The following ARHGAP28 variants were observed in gnomAD, a reference collection of about 807,000 sequenced individuals.
The protein encoded by ARHGAP28 is rho GTPase-activating protein 28.
In ARHGAP28, 56 loss-of-function variants were observed where a neutral mutation model predicts 90.7. The ratio of observed to expected loss-of-function variants is 0.62; its 90% CI spans 0.50 to 0.77. The LOEUF (loss-of-function observed/expected upper bound fraction) is 0.77. Ranked by LOEUF, ARHGAP28 falls within the 30% of genes least tolerant of loss-of-function variation. The pLI, the probability that ARHGAP28 is intolerant of heterozygous loss-of-function variation, is 0.00. For synonymous variants in ARHGAP28, 308 were observed against 323.3 expected, an observed-to-expected ratio of 0.95 and a Z score of 0.51; for missense variants, 869 against 900.9, an observed-to-expected ratio of 0.96 and a Z score of 0.45.
chr18:6,820,280 G>A (rs557352257), intron 1 of ARHGAP28, among the ~76,000 whole-genome samples: 130 of 152,312 alleles, frequency 8.5e-4, no homozygotes, highest in African/African-American at 2.7e-3. Context: ...AATATTGGAA[G>A]TGAAGTATTC....
At chr18:6,802,085 G>T (rs1567952378) in intron 1 of ARHGAP28, among the ~76,000 whole-genome samples, 1 of 152,082 alleles carries the variant, frequency 6.6e-6, no homozygotes, top group Non-Finnish European at 1.5e-5. Context: ...CAAATGACCA[G>T]CTTTCTTTCT....
intron 1 of ARHGAP28, among the ~76,000 whole-genome samples, chr18:6,779,489 A>G (rs1381276375): frequency 6.6e-6 from 1 of 152,222 alleles, no homozygotes; most frequent in African/African-American, 2.4e-5. Flanking sequence ...TCACAAGCTG[A>G]GCATGAACAC....
At chr18:6,808,274 T>C (rs775765625) in intron 1 of ARHGAP28, among the ~76,000 whole-genome samples, 3 of 152,224 alleles carry the variant, frequency 2.0e-5, no homozygotes, top group Non-Finnish European at 2.9e-5. Context: ...GTATTTTTTA[T>C]GTATAGACAT....
At chr18:6,843,028 C>A (rs938104342) in intron 3 of ARHGAP28, among the ~76,000 whole-genome samples, 2 of 151,986 alleles carry the variant, frequency 1.3e-5, no homozygotes, top group Non-Finnish European at 2.9e-5. Context: ...GGTATCAATG[C>A]CAAAGTCATG....
intron 1 of ARHGAP28, among the ~76,000 whole-genome samples, chr18:6,801,860 C>A (rs1462781125): frequency 6.6e-6 from 1 of 152,078 alleles, no homozygotes; most frequent in Non-Finnish European, 1.5e-5. Context: ...AACACTAGAT[C>A]TTATTTCCTC....
rs573700161 is a variant in ARHGAP28 at position 6,869,310 on chromosome 18, G to A, written c.811+1076G>A. Among the ~76,000 whole-genome samples the A allele has an allele frequency of 2.1e-5, 3 of 141,424 alleles. No individual in the cohort carries two copies. In the East Asian group the frequency reaches 6.3e-4, roughly 30 times the overall value. The allele number at this position is 141,424 out of a possible 152,430, so 92.8% of individuals were successfully genotyped here. ...AGTTTCGCTCTTGTCACTCAGGCTG[G>A]AGTGCAGTAGCACGATCTCAGCTCA... On this transcript the variant is annotated intron_variant, in intron 6 of 17. Transcript: ENST00000383472.
intron 1 of ARHGAP28, among the ~76,000 whole-genome samples, chr18:6,821,836 G>A (rs1036640837): frequency 6.6e-5 from 10 of 152,092 alleles, no homozygotes; most frequent in African/African-American, 2.4e-4. Context: ...TAGACCCTTC[G>A]CATGAATAAG....
At chr18:6,846,248 C>A (rs749574643) in intron 3 of ARHGAP28, among the ~76,000 whole-genome samples, 2 of 152,150 alleles carry the variant, frequency 1.3e-5, no homozygotes, top group Non-Finnish European at 2.9e-5. Flanking sequence ...CTTTGCTGTT[C>A]CAAGAATAAT....
At chr18:6,910,611 G>T (rs1353642366) in intron 17 of ARHGAP28, among the ~76,000 whole-genome samples, 1 of 151,698 alleles carries the variant, frequency 6.6e-6, no homozygotes, top group African/African-American at 2.4e-5. Context: ...CTCCTTCCTC[G>T]CACCCTCCCG....
chr18:6,874,911 G>A (rs2057119238), intron 9 of ARHGAP28: 1 of 152,274 alleles, frequency 6.6e-6, no homozygotes, highest in African/African-American at 2.4e-5. Flanking sequence ...TGAGGCAACT[G>A]AGGGATAGAA....
chr18:6,837,427 T>A lies in ARHGAP28; in HGVS notation c.543+13T>A. 8.6e-7 allele frequency: 1 copy of A among 1,166,370 alleles called. No individual in the cohort carries two copies. Among genetic ancestry groups the A allele is most frequent in the Non-Finnish European group, 1.2e-6 (1 of 839,964 alleles). 72.3% of individuals were successfully genotyped at this position (1,166,370 alleles called of 1,614,324 possible). A position where few individuals can be genotyped will look rare whatever the true frequency, so the allele number is the denominator to read the frequency against. On this transcript the variant is annotated intron_variant, in intron 3 of 17. Coordinates refer to ENST00000383472, the MANE Select transcript of ARHGAP28 (RefSeq NM_001366230.1). The stretch of plus-strand genomic sequence containing the variant: ...CAGTGAATCTCCTGTAAGTAATGGC[T>A]CAAACATGGCTCAAAAGGCGCCTAG...
At chr18:6,809,047 C>T (rs531528697) in intron 1 of ARHGAP28, among the ~76,000 whole-genome samples, 1 of 152,326 alleles carries the variant, frequency 6.6e-6, no homozygotes, top group South Asian at 2.1e-4. Context: ...GCTTCTTCAC[C>T]TCAGTGAGAC....
chr18:6,873,924 C>A, intron 9 of ARHGAP28, 149 bp downstream of exon 9: 1 of 711,820 alleles, frequency 1.4e-6, no homozygotes, highest in Admixed American at 2.7e-5. Flanking sequence ...AGCTTTATTC[C>A]ATGCACCGCA....
intron 1 of ARHGAP28, among the ~76,000 whole-genome samples, chr18:6,806,849 T>A (rs1406272114): frequency 1.3e-5 from 2 of 152,104 alleles, no homozygotes; most frequent in Non-Finnish European, 2.9e-5. Context: ...AAACCTTATT[T>A]CTCTTTTATT....
Position 6,915,324 on chromosome 18 carries a change from T to C in ARHGAP28, c.*3170T>C, listed in dbSNP as rs1322285992. 1 of 152,224 alleles carries C rather than the reference T, an allele frequency of 6.6e-6. No homozygotes were observed. The highest frequency in any genetic ancestry group is 1.9e-4 in the East Asian group (1 of 5,192). The allele number at this position is 152,224 out of a possible 1,614,324, so 9.4% of individuals were successfully genotyped here. A position where few individuals can be genotyped will look rare whatever the true frequency, so the allele number is the denominator to read the frequency against. On this transcript the variant is annotated 3_prime_UTR_variant, in exon 18 of 18. Transcript: ENST00000383472. ...TATGAGTTAAAATGTCCCTTCTTCC[T>C]AGCGAGCATATTTCAACTGTTCTTC...
chr18:6,894,257 A>G (rs1178300069), intron 14 of ARHGAP28, among the ~76,000 whole-genome samples: 1 of 152,214 alleles, frequency 6.6e-6, no homozygotes, highest in African/African-American at 2.4e-5. Context: ...ACCATAGAAT[A>G]AAAATCAGCC....
chr18:6,762,630 C>A (rs1417638021), intron 1 of ARHGAP28, among the ~76,000 whole-genome samples: 1 of 151,642 alleles, frequency 6.6e-6, no homozygotes, highest in East Asian at 1.9e-4. Context: ...AGAGATAGGG[C>A]CTTTAAAGAG....
intron 10 of ARHGAP28, among the ~76,000 whole-genome samples, chr18:6,879,658 G>A (rs1379094037): frequency 3.3e-5 from 5 of 152,206 alleles, no homozygotes; most frequent in African/African-American, 4.8e-5. Flanking sequence ...AAACAGTCAC[G>A]CCGCATACGC....
intron 1 of ARHGAP28, among the ~76,000 whole-genome samples, chr18:6,759,397 A>G (rs2056140250): frequency 6.6e-6 from 1 of 152,214 alleles, no homozygotes; most frequent in Non-Finnish European, 1.5e-5. Flanking sequence ...ATTATTTCAT[A>G]TCTTTTCTGT....
Sources: allele counts gnomAD v4.1 joint callset (sites outside exome capture counted in the v4.1 genomes callset), GRCh38; gene constraint gnomAD v4.1.1; transcripts MANE v1.5; gene names NCBI Gene and HGNC (gene_info 2026-07-23, HGNC 2026-07-21).